RORA: variants seen among roughly 807,000 people sequenced by gnomAD.
The protein encoded by RORA is nuclear receptor ROR-alpha.
A neutral mutation model predicts 69.5 loss-of-function variants in RORA; 7 were observed. The ratio of observed to expected loss-of-function variants is 0.10; its 90% CI spans 0.06 to 0.19. The LOEUF is 0.19. Ranked by LOEUF, RORA falls within the 10% of genes least tolerant of loss-of-function variation. The pLI, the probability that RORA is intolerant of heterozygous loss-of-function variation, is 1.00. For missense variants in RORA, 457 were observed against 663.0 expected (o/e 0.69, Z 3.41); for synonymous variants, 261 against 240.8 (o/e 1.08, Z -0.78).
intron 2 of RORA, among the ~76,000 whole-genome samples, chr15:60,570,284 G>A (rs2067841379): frequency 6.6e-6 from 1 of 152,130 alleles, no homozygotes; most frequent in Admixed American, 6.5e-5. Flanking sequence ...TTTGTCTTCA[G>A]GAGAATGCTT....
chr15:60,741,649 CAGA>C (rs2140849529), intron 1 of RORA, among the ~76,000 whole-genome samples: 2 of 152,316 alleles, frequency 1.3e-5, no homozygotes, highest in African/African-American at 4.8e-5. Flanking sequence ...TTCCTCATAG[CAGA>C]TCTAGTTCCC....
intron 1 of RORA, among the ~76,000 whole-genome samples, chr15:61,055,908 G>C (rs1195301401): frequency 2.0e-5 from 3 of 152,178 alleles, no homozygotes; most frequent in African/African-American, 7.2e-5. Flanking sequence ...AGTCCTTTAT[G>C]TGAAGCAGTA....
chr15:60,889,274 A>G (rs1370629219), intron 1 of RORA, among the ~76,000 whole-genome samples: 1 of 149,320 alleles, frequency 6.7e-6, no homozygotes, highest in African/African-American at 2.4e-5. Context: ...TTGTGCAGGG[A>G]CTGACATCTA....
chr15:60,778,719 T>C (rs143033301), intron 1 of RORA, among the ~76,000 whole-genome samples: 2 of 152,306 alleles, frequency 1.3e-5, no homozygotes, highest in African/African-American at 4.8e-5. Context: ...AAAGAACTGC[T>C]TCCTGCTTCT....
intron 1 of RORA, among the ~76,000 whole-genome samples, chr15:60,924,034 A>G (rs1159498198): frequency 6.6e-6 from 1 of 152,190 alleles, no homozygotes; most frequent in East Asian, 1.9e-4. Context: ...GGGTCCAGAA[A>G]GGGCCAGCCC....
chr15:60,914,929 T>C (rs1891828287), intron 1 of RORA, among the ~76,000 whole-genome samples: 2 of 152,326 alleles, frequency 1.3e-5, no homozygotes, highest in African/African-American at 2.4e-5. Flanking sequence ...TTGGCACTTA[T>C]TGGGTATTGG....
At chr15:61,073,479 G>T (rs782903) in intron 1 of RORA, among the ~76,000 whole-genome samples, 95,238 of 151,764 alleles carry the variant, frequency 0.63, 30,231 homozygotes, top group Non-Finnish European at 0.68. Context: ...GTTCAAATTC[G>T]CAAATGGCAT....
intron 1 of RORA, among the ~76,000 whole-genome samples, chr15:61,190,214 C>T (rs1219760920): frequency 1.3e-5 from 2 of 151,834 alleles, no homozygotes; most frequent in Non-Finnish European, 2.9e-5. Flanking sequence ...GCTGTAAGAA[C>T]ATCAGTGTGC....
intron 1 of RORA, among the ~76,000 whole-genome samples, chr15:61,149,835 A>G (rs11857128): frequency 0.65 from 98,323 of 152,122 alleles, 32,161 homozygotes; most frequent in South Asian, 0.7. Context: ...ATTTTGTCTC[A>G]TTCATAGCCA....
At chr15:60,884,031 G>C (rs1178810679) in intron 1 of RORA, among the ~76,000 whole-genome samples, 1 of 152,220 alleles carries the variant, frequency 6.6e-6, no homozygotes, top group Admixed American at 6.5e-5. Flanking sequence ...CTACAAATGA[G>C]ATTCGTTGGT....
chr15:61,000,249 A>G (rs1196939341), intron 1 of RORA, among the ~76,000 whole-genome samples: 4 of 152,216 alleles, frequency 2.6e-5, no homozygotes, highest in African/African-American at 7.2e-5. Flanking sequence ...CTAAAGAAAA[A>G]TGTTCATTAT....
rs1367189203 is a variant in RORA at position 61,064,781 on chromosome 15, A to C, written c.166+164272T>G. 2.6e-5 allele frequency among the ~76,000 whole-genome samples: 4 copies of C among 151,774 alleles called. No individual in the cohort carries two copies. In the South Asian group the frequency reaches 6.2e-4, roughly 24 times the overall value. On this transcript the variant is annotated intron_variant, in intron 1 of 10. Coordinates refer to ENST00000335670, the MANE Select transcript of RORA (RefSeq NM_134261.3). The stretch of plus-strand genomic sequence containing the variant: ...TGAAAAGCTACTGCCCAATCCCCCC[A>C]TCCCCTTTCTTGGCACAGAAGCAGA...
Position 60,564,624 on chromosome 15 carries a change from T to C in RORA, c.197-32773A>G, listed in dbSNP as rs868682382. Among the ~76,000 whole-genome samples, 8 of 152,276 alleles carry C rather than the reference T, an allele frequency of 5.3e-5. 1 individual carries two copies. Among genetic ancestry groups the C allele is most frequent in the South Asian group, 2.1e-4 (1 of 4,818 alleles). ...TTTTGGTCTCATCAGGACAATCCTTTAACCAGGAAAGGTGGGGGCCTGGGA... is the reference window on the plus strand; with the variant it reads ...TTTTGGTCTCATCAGGACAATCCTTCAACCAGGAAAGGTGGGGGCCTGGGA... On this transcript the variant is annotated intron_variant, in intron 2 of 10. Transcript: ENST00000335670.
At chr15:60,782,942 T>C (rs1264411426) in intron 1 of RORA, among the ~76,000 whole-genome samples, 1 of 152,218 alleles carries the variant, frequency 6.6e-6, no homozygotes, top group African/African-American at 2.4e-5. Context: ...ATTATAAAGA[T>C]GTGCATATCC....
At chr15:60,841,432 G>GTC (rs1024207696) in intron 1 of RORA, among the ~76,000 whole-genome samples, 11 of 152,068 alleles carry the variant, frequency 7.2e-5, no homozygotes, top group African/African-American at 2.7e-4. Context: ...GGCTCTCTCT[G>GTC]TCTCTCTCTC....
At chr15:60,623,349 A>T (rs1377513619) in intron 2 of RORA, among the ~76,000 whole-genome samples, 1 of 152,232 alleles carries the variant, frequency 6.6e-6, no homozygotes, top group Non-Finnish European at 1.5e-5. Context: ...AGGATTTGGG[A>T]TCTATCAGCA....
At chr15:60,750,238 G>A (rs2071704528) in intron 1 of RORA, among the ~76,000 whole-genome samples, 1 of 152,138 alleles carries the variant, frequency 6.6e-6, no homozygotes, top group African/African-American at 2.4e-5. Context: ...TGACTCCAAA[G>A]CCTAGGAGAC....
At chr15:61,095,462 A>C (rs1395899722) in intron 1 of RORA, among the ~76,000 whole-genome samples, 1 of 152,230 alleles carries the variant, frequency 6.6e-6, no homozygotes, top group East Asian at 1.9e-4. Context: ...CCAATAAAGA[A>C]AAGACTGCAT....
At chr15:60,796,786 T>C (rs1249358241) in intron 1 of RORA, among the ~76,000 whole-genome samples, 1 of 151,994 alleles carries the variant, frequency 6.6e-6, no homozygotes, top group Non-Finnish European at 1.5e-5. Context: ...ACAACCTCAA[T>C]TTCTCATCAA....
Sources: gnomAD v4.1 joint callset for allele counts (sites outside exome capture counted in the v4.1 genomes callset) on GRCh38, gnomAD v4.1.1 for gene constraint, MANE v1.5 for transcripts, NCBI Gene and HGNC (gene_info 2026-07-23, HGNC 2026-07-21) for gene names.